The following SBK1 variants were observed in gnomAD, a reference collection of about 807,000 sequenced individuals.
SBK1 encodes serine/threonine-protein kinase SBK1.
A neutral mutation model predicts 24.4 loss-of-function variants in SBK1; 11 were observed. The ratio of observed to expected loss-of-function variants is 0.45; its 90% confidence interval spans 0.28 to 0.75. The LOEUF is 0.75. Ranked by LOEUF, SBK1 falls within the 30% of genes least tolerant of loss-of-function variation. The pLI is 0.12. For missense variants in SBK1, 467 were observed against 620.5 expected (o/e 0.75, Z 2.63); for synonymous variants, 308 against 284.4 (o/e 1.08, Z -0.83).
At chr16:28,295,825 C>T (rs1021122189) in intron 1 of SBK1, among the ~76,000 whole-genome samples, 1 of 152,074 alleles carries the variant, frequency 6.6e-6, no homozygotes, top group African/African-American at 2.4e-5. Flanking sequence ...AGACAGGGCC[C>T]TTGCCTTCCA....
chr16:28,321,175 A>G lies in SBK1; in HGVS notation c.*254A>G. On this transcript the variant is annotated 3_prime_UTR_variant, in exon 4 of 4. Transcript: ENST00000341901. ...GCACAGACCCGAGAATTCGGAGGCC[A>G]CCACACAACACACACACACACACAC... The G allele has an allele frequency of 3.5e-6, 1 of 284,314 alleles. No homozygotes were observed. Among genetic ancestry groups the G allele is most frequent in the Non-Finnish European group, 6.4e-6 (1 of 156,610 alleles). 17.6% of individuals were successfully genotyped at this position (284,314 alleles called of 1,614,324 possible). A position where few individuals can be genotyped will look rare whatever the true frequency, so the allele number is the denominator to read the frequency against.
chr16:28,266,738 T>C (rs1329745585), intron 1 of SBK1, among the ~76,000 whole-genome samples: 17 of 147,154 alleles, frequency 1.2e-4, no homozygotes, highest in African/African-American at 2.9e-4. Flanking sequence ...CTTTTCTTTT[T>C]TTTTTTTTTT....
intron 1 of SBK1, among the ~76,000 whole-genome samples, chr16:28,270,406 AATTATT>A (rs59973055): frequency 0.52 from 76,343 of 145,840 alleles, 20,191 homozygotes; most frequent in East Asian, 0.8. Context: ...TTCAGCCTAG[AATTATT>A]ATTATTATTA....
intron 1 of SBK1, among the ~76,000 whole-genome samples, chr16:28,265,370 G>T (rs2044422020): frequency 6.6e-6 from 1 of 152,086 alleles, no homozygotes; most frequent in African/African-American, 2.4e-5. Context: ...ACCGAGCCAT[G>T]ATGGCGCCGC....
intron 1 of SBK1, 57 bp downstream of exon 1, chr16:28,293,357 C>G (rs1323676143): frequency 2.3e-6 from 2 of 855,162 alleles, no homozygotes; most frequent in African/African-American, 3.6e-5. Flanking sequence ...TCCCCATAGC[C>G]CTGCAGGTGG....
chr16:28,265,042 C>T (rs2044419819), intron 1 of SBK1, among the ~76,000 whole-genome samples: 1 of 151,886 alleles, frequency 6.6e-6, no homozygotes, highest in Non-Finnish European at 1.5e-5. Context: ...GAGGCCGAGG[C>T]AGGAGGATTG....
intron 1 of SBK1, among the ~76,000 whole-genome samples, 177 bp downstream of exon 1, chr16:28,293,477 C>G (rs1219073673): frequency 1.3e-5 from 2 of 152,180 alleles, no homozygotes; most frequent in Non-Finnish European, 2.9e-5. Flanking sequence ...CTCCTCCTCT[C>G]CCTTCCCCCA....
intron 1 of SBK1, among the ~76,000 whole-genome samples, chr16:28,316,198 C>A (rs1398943260): frequency 6.6e-6 from 1 of 152,178 alleles, no homozygotes; most frequent in Non-Finnish European, 1.5e-5. Flanking sequence ...GATGGTGTGG[C>A]CACATCTATA....
At chr16:28,295,885 G>A (rs576503656) in intron 1 of SBK1, among the ~76,000 whole-genome samples, 52 of 150,628 alleles carry the variant, frequency 3.5e-4, no homozygotes, top group Non-Finnish European at 6.3e-4. Flanking sequence ...CCTGGCCCCC[G>A]ATGCTGGCAT....
At chr16:28,286,519 A>ATGAAAATTAGCCAGGCATGC (rs2044566214) in intron 1 of SBK1, 1 of 152,070 alleles carries the variant, frequency 6.6e-6, no homozygotes, top group Non-Finnish European at 1.5e-5. Flanking sequence ...TACTAAAAAT[A>ATGAAAATTAGCCAGGCATGC]TGAAAATTAG....
chr16:28,320,526 C>T lies in SBK1; in HGVS notation c.880C>T (p.Arg294Cys). Reference sequence around the variant, plus strand: ...CGAGCCCGCGCTGCGCATGTTCCAGCGCTTACTGGCCCTGGAGCCCGAGCG... The same window carrying T: ...CGAGCCCGCGCTGCGCATGTTCCAGTGCTTACTGGCCCTGGAGCCCGAGCG... Reference protein sequence around the residue: ...FTEPALRMFQRLLALEPERRG... With the variant: ...FTEPALRMFQCLLALEPERRG... The change falls in exon 4 of 4, where the codon CGC becomes TGC. Residue 294 changes from arginine (R) to cysteine (C), a missense_variant. Arg to Cys is a radical substitution (Grantham distance 180, BLOSUM62 -3). Coordinates refer to ENST00000341901, the MANE Select transcript of SBK1 (RefSeq NM_001024401.3). This position sits in a 1 kb window ranked among gnomAD's most constrained non-coding sequence, Gnocchi z 8.5. 1 of 1,565,522 alleles carries T rather than the reference C, an allele frequency of 6.4e-7. No homozygotes were observed. Among genetic ancestry groups the T allele is most frequent in the Non-Finnish European group, 8.6e-7 (1 of 1,162,420 alleles).
In SBK1 at chr16:28,293,146, C is replaced by A. The variant is rs866353932; in HGVS notation, c.-162C>A. ...CAGCAAGAAGCCTCGGGGATCCCCC[C>A]CCTAAAGCTCCAGGACTTGGGCGAC... On this transcript the variant is annotated 5_prime_UTR_variant, in exon 1 of 4. Transcript: ENST00000341901. The A allele has an allele frequency of 1.2e-5, 12 of 985,742 alleles. No individual in the cohort carries two copies. Among genetic ancestry groups the A allele is most frequent in the East Asian group, 1.1e-4 (1 of 8,884 alleles). 61.1% of individuals were successfully genotyped at this position (985,742 alleles called of 1,614,324 possible).
rs568921775 is a variant in SBK1 at position 28,322,786 on chromosome 16, G to C, written c.*1865G>C. The stretch of plus-strand genomic sequence containing the variant: ...GCCCCCGGCCCACCTGGAGCCCATC[G>C]GGGCTGCCTCTCCCAGCCGCGACTT... On this transcript the variant is annotated 3_prime_UTR_variant, in exon 4 of 4. Transcript: ENST00000341901. 6.5e-6 allele frequency: 1 copy of C among 152,836 alleles called. No individual in the cohort carries two copies. The highest frequency in any genetic ancestry group is 2.4e-5 in the African/African-American group (1 of 41,508). 9.5% of individuals were successfully genotyped at this position (152,836 alleles called of 1,614,324 possible).
chr16:28,268,490 C>T (rs1025360705), intron 1 of SBK1, among the ~76,000 whole-genome samples: 3 of 150,646 alleles, frequency 2.0e-5, no homozygotes, highest in Non-Finnish European at 4.4e-5. Context: ...TGGCCAGGCT[C>T]GGTGGCTCAT....
At chr16:28,311,792 C>T (rs1244687889) in intron 1 of SBK1, among the ~76,000 whole-genome samples, 3 of 152,192 alleles carry the variant, frequency 2.0e-5, no homozygotes, top group Non-Finnish European at 4.4e-5. Flanking sequence ...CTGAACCTGA[C>T]AGTGGGGGGC....
intron 1 of SBK1, among the ~76,000 whole-genome samples, chr16:28,307,983 C>T (rs959866058): frequency 2.4e-4 from 36 of 152,094 alleles, no homozygotes; most frequent in Non-Finnish European, 1.3e-4. Context: ...TAATTATTCT[C>T]CCACAGAGCA....
upstream of SBK1, among the ~76,000 whole-genome samples, chr16:28,288,481 C>G (rs1271451117): frequency 6.6e-6 from 1 of 152,192 alleles, no homozygotes; most frequent in Non-Finnish European, 1.5e-5. Context: ...ATTAGTGGAA[C>G]ATGCTAGAGC....
intron 1 of SBK1, among the ~76,000 whole-genome samples, chr16:28,277,404 T>C (rs1183313755): frequency 6.6e-6 from 1 of 150,978 alleles, no homozygotes; most frequent in Non-Finnish European, 1.5e-5. Flanking sequence ...AGGTGGGGAA[T>C]GGTGGCTCAC....
chr16:28,269,743 G>A (rs1012878757), intron 1 of SBK1, among the ~76,000 whole-genome samples: 2 of 151,556 alleles, frequency 1.3e-5, no homozygotes, highest in African/African-American at 4.8e-5. Context: ...GAGAGTGGTG[G>A]CACGCACCTG....
Sources: allele counts gnomAD v4.1 joint callset (sites outside exome capture counted in the v4.1 genomes callset), GRCh38; gene constraint gnomAD v4.1.1; non-coding constraint Gnocchi (gnomAD v3.1); transcripts MANE v1.5; gene names NCBI Gene and HGNC (gene_info 2026-07-23, HGNC 2026-07-21).